Variants in TADA2B observed in about 807,000 individuals in gnomAD.
TADA2B encodes the protein transcriptional adaptor 2B.
TADA2B carries 13 observed loss-of-function variants against 34.5 expected under a neutral mutation model. That is an observed-to-expected ratio of 0.38 (90% confidence interval 0.25 to 0.60). The LOEUF is 0.60. Among genes scored for constraint, TADA2B ranks in the 20% least tolerant of loss-of-function variants. The pLI is 0.65. For missense variants in TADA2B, 442 were observed against 575.0 expected, an observed-to-expected ratio of 0.77 and a Z score of 2.37; for synonymous variants, 240 against 243.4, an observed-to-expected ratio of 0.99 and a Z score of 0.13.
Position 7,057,157 on chromosome 4 carries a change from A to C in TADA2B, c.*2103A>C, listed in dbSNP as rs955243118. ...CAGACGTACTATATTAAGCTTGAAG[A>C]AGCAGAAGATCCCTGTTAATGTGTA... On this transcript the variant is annotated 3_prime_UTR_variant, in exon 2 of 2. Coordinates refer to ENST00000310074, the MANE Select transcript of TADA2B (RefSeq NM_152293.3). The C allele has an allele frequency of 4.6e-5, 7 of 152,224 alleles. No individual in the cohort carries two copies. Among genetic ancestry groups the C allele is most frequent in the Non-Finnish European group, 7.3e-5 (5 of 68,040 alleles). The allele number at this position is 152,224 out of a possible 1,614,324, so 9.4% of individuals were successfully genotyped here.
rs567027383 is a variant in TADA2B, at chr4:7,048,268, C to G, written c.270+4419C>G. ...CACTGTGCGGGCTTCCAGGGATGAC[C>G]ATTAAGGATGGCGGGAGGGGGAGGG... On this transcript the variant is annotated intron_variant, in intron 1 of 1. Coordinates refer to ENST00000310074, the MANE Select transcript of TADA2B (RefSeq NM_152293.3). Among the ~76,000 whole-genome samples, 8 of 152,200 alleles carry G rather than the reference C, an allele frequency of 5.3e-5. No individual in the cohort carries two copies. The South Asian group carries it at 1.5e-3, about 28-fold the overall frequency.
Position 7,043,630 on chromosome 4 carries a change from C to G in TADA2B, c.51C>G (p.Ser17Arg). ...GCGTGTACTGCCTGGCCGAGGTGAG[C>G]CCGCTGCGCTTCCGCTGCACCGAGT... ...KYCVYCLAEVSPLRFRCTECQ... is the reference protein window; with the variant it reads ...KYCVYCLAEVRPLRFRCTECQ... The change falls in exon 1 of 2, where the codon AGC becomes AGG. Residue 17 changes from serine (S) to arginine (R), a missense_variant. Physicochemically the swap from Ser to Arg is moderately radical, Grantham distance 110. This residue lies in a region of TADA2B where 102 missense variants were observed against 177.2 expected (regional missense o/e 0.58). Transcript: ENST00000310074. 6.6e-7 allele frequency: 1 copy of G among 1,512,230 alleles called. No individual in the cohort carries two copies. Among genetic ancestry groups the G allele is most frequent in the Non-Finnish European group, 8.9e-7 (1 of 1,125,732 alleles). The allele number at this position is 1,512,230 out of a possible 1,614,324, so 93.7% of individuals were successfully genotyped here. A position where few individuals can be genotyped will look rare whatever the true frequency, so the allele number is the denominator to read the frequency against.
At chr4:7,047,642 G>C (rs569316858) in intron 1 of TADA2B, among the ~76,000 whole-genome samples, 1 of 152,386 alleles carries the variant, frequency 6.6e-6, no homozygotes, top group African/African-American at 2.4e-5. Context: ...GCCTCACCTG[G>C]CAGGTGCCGT....
At chr4:7,045,320 C>G (rs1413052185) in intron 1 of TADA2B, among the ~76,000 whole-genome samples, 2 of 152,188 alleles carry the variant, frequency 1.3e-5, no homozygotes, top group East Asian at 3.9e-4. Flanking sequence ...TTCTTACAGC[C>G]GTAGTCCCGG....
chr4:7,043,536 C>T lies in TADA2B; in HGVS notation c.-44C>T, dbSNP rs1723539695. 1.8e-6 allele frequency: 2 copies of T among 1,108,844 alleles called. No individual in the cohort carries two copies. The highest frequency in any genetic ancestry group is 2.2e-6 in the Non-Finnish European group (2 of 908,682). The allele number at this position is 1,108,844 out of a possible 1,614,324, so 68.7% of individuals were successfully genotyped here. A position where few individuals can be genotyped will look rare whatever the true frequency, so the allele number is the denominator to read the frequency against. On this transcript the variant is annotated 5_prime_UTR_variant, in exon 1 of 2. Coordinates refer to ENST00000310074, the MANE Select transcript of TADA2B (RefSeq NM_152293.3). ...GGCGGGGCGCTGACGGCCGGGGGCG[C>T]GGCGGCTGCGGCGGGCCGGGCGGCG...
chr4:7,057,237 G>A lies in TADA2B; in HGVS notation c.*2183G>A, dbSNP rs1053285468. 15 of 152,238 alleles carry A rather than the reference G, an allele frequency of 9.9e-5. No homozygotes were observed. The highest frequency in any genetic ancestry group is 3.4e-4 in the African/African-American group (14 of 41,472). The allele number at this position is 152,238 out of a possible 1,614,324, so 9.4% of individuals were successfully genotyped here. ...AACTTTGTGCTGAAGCAGGTTTTTA[G>A]TATGTATATCTTTTTGATGGTATGA... On this transcript the variant is annotated 3_prime_UTR_variant, in exon 2 of 2. Transcript: ENST00000310074.
At position 7,054,084 on chromosome 4, in the gene TADA2B, G is replaced by A; in HGVS notation, c.293G>A (p.Gly98Asp). ...TAGGAAGATATGGCTGCCCACGTTG[G>A]TGCTTCCCGGACTCCCCAAGAGGTG... is the stretch of plus-strand genomic sequence containing the variant. ...GNWEDMAAHV[G>D]ASRTPQEVME... is the part of the protein sequence containing the mutation. The change falls in exon 2 of 2, where the codon GGT (glycine) becomes GAT (aspartate). Residue 98 changes from glycine (G) to aspartate (D), a missense_variant. Transcript: ENST00000310074. 6.3e-7 allele frequency: 1 copy of A among 1,587,518 alleles called. No individual in the cohort carries two copies. Among genetic ancestry groups the A allele is most frequent in the Non-Finnish European group, 8.6e-7 (1 of 1,164,666 alleles).
At chr4:7,044,541 C>T (rs1216114376) in intron 1 of TADA2B, among the ~76,000 whole-genome samples, 1 of 152,116 alleles carries the variant, frequency 6.6e-6, no homozygotes, top group Admixed American at 6.5e-5. Context: ...GGACTGGATC[C>T]ACTTACGCTA....
intron 1 of TADA2B, among the ~76,000 whole-genome samples, chr4:7,052,451 G>A (rs547048845): frequency 4.6e-5 from 7 of 152,348 alleles, no homozygotes; most frequent in Admixed American, 1.3e-4. Context: ...CAAGGTTGTC[G>A]GGGAAGAGCA....
intron 1 of TADA2B, among the ~76,000 whole-genome samples, chr4:7,051,206 C>T (rs933784876): frequency 2.0e-4 from 31 of 152,180 alleles, no homozygotes; most frequent in African/African-American, 2.4e-5. Flanking sequence ...CTGGACCCGG[C>T]GACCTGGTCT....
chr4:7,043,717 C>T lies in TADA2B; in HGVS notation c.138C>T (p.Arg46=). 6.3e-7 allele frequency: 1 copy of T among 1,589,222 alleles called. No homozygotes were observed. Among genetic ancestry groups the T allele is most frequent in the Non-Finnish European group, 8.5e-7 (1 of 1,173,276 alleles). ...FSAGAEIGHH[R]RYHGYQLVDG... is the part of the protein sequence containing the mutation. Reference sequence around the variant, plus strand: ...CCGGCGCCGAGATCGGCCACCACCGCCGCTACCACGGCTACCAGCTGGTGG... The same window carrying T: ...CCGGCGCCGAGATCGGCCACCACCGTCGCTACCACGGCTACCAGCTGGTGG... Residue 46 remains arginine, a synonymous_variant, in exon 1 of 2, where the codon CGC becomes CGT. Transcript: ENST00000310074.
At chr4:7,046,687 G>C (rs1048809950) in intron 1 of TADA2B, among the ~76,000 whole-genome samples, 8 of 152,212 alleles carry the variant, frequency 5.3e-5, no homozygotes, top group Non-Finnish European at 8.8e-5. Flanking sequence ...TGGACTCATG[G>C]GCTGTGACTG....
rs1250958933 is a variant in TADA2B, at chr4:7,057,613, CCT to C, written c.*2560_*2561del. On this transcript the variant is annotated 3_prime_UTR_variant, in exon 2 of 2. Coordinates refer to ENST00000310074, the MANE Select transcript of TADA2B (RefSeq NM_152293.3). ...ACCATCCTGGCCAACATGGTGAAAC[CCT>C]GTCTCTACTAAAAATACAAAAATTA... 2.0e-5 allele frequency: 3 copies of C among 152,166 alleles called. No homozygotes were observed. The highest frequency in any genetic ancestry group is 2.9e-5 in the Non-Finnish European group (2 of 68,038). 9.4% of individuals were successfully genotyped at this position (152,166 alleles called of 1,614,324 possible).
Position 7,055,759 on chromosome 4 carries a change from C to T in TADA2B, c.*705C>T, listed in dbSNP as rs1273059628. 6.6e-6 allele frequency: 1 copy of T among 152,244 alleles called. No individual in the cohort carries two copies. The highest frequency in any genetic ancestry group is 2.4e-5 in the African/African-American group (1 of 41,450). The allele number at this position is 152,244 out of a possible 1,614,324, so 9.4% of individuals were successfully genotyped here. A position where few individuals can be genotyped will look rare whatever the true frequency, so the allele number is the denominator to read the frequency against. On this transcript the variant is annotated 3_prime_UTR_variant, in exon 2 of 2. Coordinates refer to ENST00000310074, the MANE Select transcript of TADA2B (RefSeq NM_152293.3). ...GCGCCCCATTTGAATACGGCCAGAG[C>T]CTGCTGGTTCACTTTGGGTAGAGCC...
In TADA2B at chr4:7,043,541, G is replaced by A. The variant is rs1303809125; in HGVS notation, c.-39G>A. ...GGCGCTGACGGCCGGGGGCGCGGCGGCTGCGGCGGGCCGGGCGGCGGGCGG... is the reference window on the plus strand; with the variant it reads ...GGCGCTGACGGCCGGGGGCGCGGCGACTGCGGCGGGCCGGGCGGCGGGCGG... On this transcript the variant is annotated 5_prime_UTR_variant, in exon 1 of 2. Transcript: ENST00000310074. 8.6e-7 allele frequency: 1 copy of A among 1,162,040 alleles called. No individual in the cohort carries two copies. Among genetic ancestry groups the A allele is most frequent in the Non-Finnish European group, 1.1e-6 (1 of 940,832 alleles). 72.0% of individuals were successfully genotyped at this position (1,162,040 alleles called of 1,614,324 possible).
At position 7,053,891 on chromosome 4, in the gene TADA2B, C is replaced by T. The variant is rs1330839194; in HGVS notation, c.271-171C>T. On this transcript the variant is annotated intron_variant, in intron 1 of 1. Transcript: ENST00000310074. ...TTGCTTCAACATTGTCATCTCTCCC[C>T]TGAGCCCAGCTCATAAGACAGTGTG... is the stretch of plus-strand genomic sequence containing the variant. 8.1e-5 allele frequency: 56 copies of T among 688,632 alleles called. No homozygotes were observed. In the South Asian group the frequency reaches 1.2e-3, roughly 14 times the overall value. 42.7% of individuals were successfully genotyped at this position (688,632 alleles called of 1,614,324 possible).
chr4:7,043,441 C>CGCGGTGGCGGCAGCCGCGGCGGCGGGCG lies in TADA2B; in HGVS notation c.-133_-106dup. The CGCGGTGGCGGCAGCCGCGGCGGCGGGCG allele has an allele frequency of 3.8e-6, 1 of 265,812 alleles. No homozygotes were observed. The highest frequency in any genetic ancestry group is 2.4e-5 in the African/African-American group (1 of 41,960). 16.5% of individuals were successfully genotyped at this position (265,812 alleles called of 1,614,324 possible). A position where few individuals can be genotyped will look rare whatever the true frequency, so the allele number is the denominator to read the frequency against. On this transcript the variant is annotated 5_prime_UTR_variant, in exon 1 of 2. Coordinates refer to ENST00000310074, the MANE Select transcript of TADA2B (RefSeq NM_152293.3). ...GCTCTGGCGGCGGCTGGGCTGGGGCCGCGGTGGCGGCAGCCGCGGCGGCGG... is the reference window on the plus strand; with the variant it reads ...GCTCTGGCGGCGGCTGGGCTGGGGCCGCGGTGGCGGCAGCCGCGGCGGCGGGCGGCGGTGGCGGCAGCCGCGGCGGCGG...
In TADA2B at chr4:7,054,157, C is replaced by G. The variant is rs1340128617; in HGVS notation, c.366C>G (p.Ala122=). 1 of 1,604,884 alleles carries G rather than the reference C, an allele frequency of 6.2e-7. No individual in the cohort carries two copies. The highest frequency in any genetic ancestry group is 8.5e-7 in the Non-Finnish European group (1 of 1,175,762). ...SMYIHGNLGK[A]CIPDTIPNRV... ...ACATCCACGGGAACCTGGGGAAGGC[C>G]TGCATCCCCGACACCATCCCCAACC... Residue 122 remains alanine (A), a synonymous_variant, in exon 2 of 2, where the codon GCC becomes GCG. Transcript: ENST00000310074.
rs1723896983 is a variant in TADA2B at position 7,056,567 on chromosome 4, CCTTT to C, written c.*1518_*1521del. Reference sequence around the variant, plus strand: ...GGATGACTTAATTACTGTGCCTTTTCCTTTCTTTTTACACATCCTACTGTCCCTT... The same window carrying C: ...GGATGACTTAATTACTGTGCCTTTTCCTTTTTACACATCCTACTGTCCCTT... On this transcript the variant is annotated 3_prime_UTR_variant, in exon 2 of 2. Transcript: ENST00000310074. 1 of 152,188 alleles carries C rather than the reference CCTTT, an allele frequency of 6.6e-6. No individual in the cohort carries two copies. Among genetic ancestry groups the C allele is most frequent in the Non-Finnish European group, 1.5e-5 (1 of 68,028 alleles). 9.4% of individuals were successfully genotyped at this position (152,188 alleles called of 1,614,324 possible). A position where few individuals can be genotyped will look rare whatever the true frequency, so the allele number is the denominator to read the frequency against.
Sources: gnomAD v4.1 joint callset for allele counts (sites outside exome capture counted in the v4.1 genomes callset) on GRCh38, gnomAD v4.1.1 for gene constraint, gnomAD v4.1.1 regional missense constraint, MANE v1.5 for transcripts, NCBI Gene and HGNC (gene_info 2026-07-23, HGNC 2026-07-21) for gene names.